Variants in LRRTM4 observed in about 807,000 individuals in gnomAD.
LRRTM4 encodes the protein leucine rich repeat transmembrane neuronal 4, also known as leucine-rich repeat transmembrane neuronal protein 4.
In LRRTM4, 25 loss-of-function variants were observed where a neutral mutation model predicts 47.6. The observed-to-expected ratio is 0.53, with a 90% confidence interval of 0.38 to 0.73. LRRTM4 has a LOEUF of 0.73. Ranked by LOEUF, LRRTM4 falls within the 30% of genes least tolerant of loss-of-function variation. LRRTM4 has a pLI of 0.00. For missense variants in LRRTM4, 638 were observed against 713.4 expected, an observed-to-expected ratio of 0.89 and a Z score of 1.20; for synonymous variants, 311 against 269.5, an observed-to-expected ratio of 1.15 and a Z score of -1.51.
intron 3 of LRRTM4, among the ~76,000 whole-genome samples, chr2:76,986,470 G>T (rs757843170): frequency 6.6e-6 from 1 of 151,738 alleles, no homozygotes; most frequent in Non-Finnish European, 1.5e-5. Context: ...TTCCTTTTTG[G>T]AGGTCTTCTC....
chr2:77,026,829 A>C (rs1678470989), intron 3 of LRRTM4, among the ~76,000 whole-genome samples: 2 of 152,170 alleles, frequency 1.3e-5, no homozygotes, highest in African/African-American at 4.8e-5. Flanking sequence ...TGTATTCAAA[A>C]GAAGACTGCA....
intron 3 of LRRTM4, among the ~76,000 whole-genome samples, chr2:77,014,108 GCA>G (rs1249287507): frequency 3.3e-5 from 5 of 152,130 alleles, no homozygotes; most frequent in South Asian, 4.1e-4. Flanking sequence ...GTATGAACAT[GCA>G]CAGTTTTTTG....
In LRRTM4 at chr2:76,748,482, G is replaced by A. The variant is rs796535832; in HGVS notation, c.*213C>T. 11 of 572,068 alleles carry A rather than the reference G, an allele frequency of 1.9e-5. No homozygotes were observed. The African/African-American group carries it at 2.1e-4, about 11-fold the overall frequency. The allele number at this position is 572,068 out of a possible 1,614,324, so 35.4% of individuals were successfully genotyped here. ...TGTTTGTTTTATGTTTTAAAGCAAA[G>A]AAAGTTCTGCAGTCCTCCCGGTAAT... On this transcript the variant is annotated 3_prime_UTR_variant, in exon 4 of 4. Coordinates refer to ENST00000409884, the MANE Select transcript of LRRTM4 (RefSeq NM_001134745.3).
At chr2:77,108,636 T>A (rs2103928542) in intron 3 of LRRTM4, among the ~76,000 whole-genome samples, 1 of 150,106 alleles carries the variant, frequency 6.7e-6, no homozygotes, top group East Asian at 2.0e-4. Flanking sequence ...CAGGCTGGAG[T>A]GCAGTGGCGG....
chr2:77,309,282 C>G (rs537328876), intron 3 of LRRTM4, among the ~76,000 whole-genome samples: 2 of 152,168 alleles, frequency 1.3e-5, no homozygotes, highest in East Asian at 3.9e-4. Flanking sequence ...AAATGTTTGG[C>G]TCTCCCTCCT....
chr2:76,787,192 T>C (rs1314518708), intron 3 of LRRTM4, among the ~76,000 whole-genome samples: 1 of 152,024 alleles, frequency 6.6e-6, no homozygotes, highest in Non-Finnish European at 1.5e-5. Context: ...AGAGAAAGGA[T>C]GTGGAAAATA....
chr2:77,245,588 A>G (rs1675423483), intron 3 of LRRTM4, among the ~76,000 whole-genome samples: 1 of 149,230 alleles, frequency 6.7e-6, no homozygotes, highest in Non-Finnish European at 1.5e-5. Flanking sequence ...AATTTTCTGA[A>G]GAAACCAAAA....
intron 3 of LRRTM4, among the ~76,000 whole-genome samples, chr2:77,059,373 A>C (rs113002994): frequency 7.4e-6 from 1 of 135,466 alleles, no homozygotes; most frequent in East Asian, 2.0e-4. Flanking sequence ...CTTTTTCTTT[A>C]TTTCCTTTTT....
chr2:76,953,371 G>A (rs1013845890), intron 3 of LRRTM4, among the ~76,000 whole-genome samples: 1 of 151,766 alleles, frequency 6.6e-6, no homozygotes, highest in African/African-American at 2.4e-5. Flanking sequence ...CAACCTCAAA[G>A]CCAAGAATAG....
intron 3 of LRRTM4, among the ~76,000 whole-genome samples, chr2:76,997,292 G>T (rs13401863): frequency 0.071 from 10,793 of 152,072 alleles, 1,183 homozygotes; most frequent in African/African-American, 0.24. Flanking sequence ...AAATACAGCA[G>T]TAGAGCTCAT....
intron 3 of LRRTM4, among the ~76,000 whole-genome samples, chr2:77,381,541 T>A (rs1457437749): frequency 1.3e-5 from 2 of 152,060 alleles, no homozygotes; most frequent in African/African-American, 4.8e-5. Context: ...CGAATAGGCA[T>A]ACAAAATCTG....
At chr2:76,785,702 A>G (rs1214545408) in intron 3 of LRRTM4, among the ~76,000 whole-genome samples, 1 of 152,202 alleles carries the variant, frequency 6.6e-6, no homozygotes, top group Admixed American at 6.5e-5. Flanking sequence ...TCATATTTGT[A>G]TAATTAATAT....
chr2:76,844,440 A>G (rs1290561514), intron 3 of LRRTM4, among the ~76,000 whole-genome samples: 1 of 151,990 alleles, frequency 6.6e-6, no homozygotes, highest in Non-Finnish European at 1.5e-5. Context: ...TGGCCTCAAT[A>G]ATTGCTTTAT....
intron 3 of LRRTM4, among the ~76,000 whole-genome samples, chr2:77,343,962 T>A (rs1459863785): frequency 6.6e-6 from 1 of 151,836 alleles, no homozygotes; most frequent in East Asian, 1.9e-4. Context: ...AATTAGATTA[T>A]TGCAGTGGAG....
intron 3 of LRRTM4, among the ~76,000 whole-genome samples, chr2:77,202,310 T>C (rs1396470901): frequency 6.6e-6 from 1 of 152,086 alleles, no homozygotes; most frequent in Non-Finnish European, 1.5e-5. Context: ...TTAGCTGAAA[T>C]AGGAAAAAAC....
chr2:76,973,375 T>G (rs2103946032), intron 3 of LRRTM4, among the ~76,000 whole-genome samples: 1 of 152,148 alleles, frequency 6.6e-6, no homozygotes, highest in South Asian at 2.1e-4. Flanking sequence ...TTTTAAAAAA[T>G]ATTCTTATAT....
Position 77,521,834 on chromosome 2 carries a change from A to G in LRRTM4, c.-147-16T>C, listed in dbSNP as rs1304647115. The G allele has an allele frequency of 5.8e-6, 2 of 344,124 alleles. No individual in the cohort carries two copies. The highest frequency in any genetic ancestry group is 5.6e-5 in the Admixed American group (1 of 17,818). 21.3% of individuals were successfully genotyped at this position (344,124 alleles called of 1,614,324 possible). A position where few individuals can be genotyped will look rare whatever the true frequency, so the allele number is the denominator to read the frequency against. ...CCCATACAAACTTCCCCGAGAGGAC[A>G]GGCAAAAAAAAAAAAAAAAAATACA... On this transcript the variant is annotated splice_polypyrimidine_tract_variant and intron_variant, in intron 1 of 3. Transcript: ENST00000409884.
chr2:77,057,698 A>G (rs1156907368), intron 3 of LRRTM4, among the ~76,000 whole-genome samples: 2 of 152,130 alleles, frequency 1.3e-5, no homozygotes, highest in African/African-American at 4.8e-5. Context: ...TTAAATCAGG[A>G]CCTCTTAAGT....
chr2:76,923,211 C>G (rs1183633528), intron 3 of LRRTM4, among the ~76,000 whole-genome samples: 1 of 151,904 alleles, frequency 6.6e-6, no homozygotes, highest in Non-Finnish European at 1.5e-5. Context: ...ATTTCTAAGT[C>G]TTTCGTTTTT....
Sources: gnomAD v4.1 joint callset for allele counts (sites outside exome capture counted in the v4.1 genomes callset) on GRCh38, gnomAD v4.1.1 for gene constraint, MANE v1.5 for transcripts, NCBI Gene and HGNC (gene_info 2026-07-23, HGNC 2026-07-21) for gene names.